Variants in PARD3 observed in about 807,000 individuals in gnomAD.
PARD3 encodes the protein par-3 family cell polarity regulator.
PARD3 carries 75 observed loss-of-function variants against 155.4 expected under a neutral mutation model. That is an observed-to-expected ratio of 0.48 (90% CI 0.40 to 0.58). The LOEUF is 0.58. PARD3 is among the 20% of genes least tolerant of loss of function. The pLI is 0.00. For missense variants in PARD3, 1,642 were observed against 1,721.7 expected, an observed-to-expected ratio of 0.95 and a Z score of 0.82; for synonymous variants, 576 against 610.5, an observed-to-expected ratio of 0.94 and a Z score of 0.83.
intron 3 of PARD3, among the ~76,000 whole-genome samples, chr10:34,483,673 C>T (rs998943210): frequency 6.6e-6 from 1 of 152,154 alleles, no homozygotes; most frequent in Non-Finnish European, 1.5e-5. Context: ...ATCTTTCTTC[C>T]TCACTGTCTC....
rs374365183 is a variant in PARD3, at chr10:34,239,350, A to G, written c.3419+30307T>C. Among the ~76,000 whole-genome samples the G allele has an allele frequency of 3.1e-3, 475 of 152,356 alleles. 2 individuals carry two copies. Among genetic ancestry groups the G allele is most frequent in the African/African-American group, 0.011 (438 of 41,588 alleles). On this transcript the variant is annotated intron_variant, in intron 22 of 24. Transcript: ENST00000374788. ...TTTCTGAAACAGCCTGGTGGACATC[A>G]GTACCAAAAGCGGAGCCTCCGCCTT... is the stretch of plus-strand genomic sequence containing the variant.
At chr10:34,278,660 G>C (rs1176328929) in intron 21 of PARD3, among the ~76,000 whole-genome samples, 1 of 152,146 alleles carries the variant, frequency 6.6e-6, no homozygotes. Flanking sequence ...CGTGAAGAAG[G>C]ACGTGTTTGC....
intron 1 of PARD3, among the ~76,000 whole-genome samples, chr10:34,728,771 A>G (rs1231067398): frequency 3.3e-5 from 5 of 152,216 alleles, no homozygotes; most frequent in Admixed American, 2.6e-4. Flanking sequence ...CAGGAGGTAC[A>G]TTAGTTTTTT....
chr10:34,470,279 C>T lies in PARD3; in HGVS notation c.404-16G>A. The T allele has an allele frequency of 3.2e-6, 5 of 1,540,482 alleles. No homozygotes were observed. Among genetic ancestry groups the T allele is most frequent in the Non-Finnish European group, 4.4e-6 (5 of 1,140,138 alleles). On this transcript the variant is annotated splice_polypyrimidine_tract_variant and intron_variant, in intron 3 of 24. Transcript: ENST00000374788. The stretch of plus-strand genomic sequence containing the variant: ...AGAGGCATATCTGTAAACACAAAAG[C>T]ACTATGCTGAAAAATAAGATACTAA...
intron 22 of PARD3, among the ~76,000 whole-genome samples, chr10:34,211,659 A>T (rs940184476): frequency 3.9e-5 from 6 of 152,086 alleles, no homozygotes; most frequent in Admixed American, 1.3e-4. Flanking sequence ...GGGCGCCTGT[A>T]ATCCCAGCTA....
At chr10:34,426,404 T>C (rs184756458) in intron 5 of PARD3, among the ~76,000 whole-genome samples, 2 of 152,256 alleles carry the variant, frequency 1.3e-5, no homozygotes, top group African/African-American at 4.8e-5. Flanking sequence ...TTGCATGTGC[T>C]TGGTGGCTTA....
At chr10:34,380,035 C>A (rs1333405092) in intron 9 of PARD3, among the ~76,000 whole-genome samples, 1 of 152,016 alleles carries the variant, frequency 6.6e-6, no homozygotes, top group African/African-American at 2.4e-5. Flanking sequence ...CACTGACACA[C>A]CCTATGTTTT....
chr10:34,198,183 C>T (rs780775937), intron 22 of PARD3, among the ~76,000 whole-genome samples: 3 of 151,610 alleles, frequency 2.0e-5, no homozygotes, highest in Non-Finnish European at 3.0e-5. Flanking sequence ...TACTTTCTAG[C>T]CAATTTTAAA....
chr10:34,192,621 T>C (rs895762003), intron 22 of PARD3, among the ~76,000 whole-genome samples: 2 of 152,120 alleles, frequency 1.3e-5, no homozygotes, highest in African/African-American at 2.4e-5. Context: ...CAGCTGGAGG[T>C]TGGACTGGAC....
chr10:34,630,356 G>C (rs1388728279), intron 2 of PARD3, among the ~76,000 whole-genome samples: 1 of 152,102 alleles, frequency 6.6e-6, no homozygotes, highest in Non-Finnish European at 1.5e-5. Flanking sequence ...TTCACATCCA[G>C]GTTCCCAACC....
At chr10:34,777,604 C>T (rs1839747074) in intron 1 of PARD3, among the ~76,000 whole-genome samples, 1 of 152,166 alleles carries the variant, frequency 6.6e-6, no homozygotes, top group South Asian at 2.1e-4. Context: ...GTGGTGCAAT[C>T]GCTGCAGCCT....
intron 4 of PARD3, 36 bp from the exon 5 acceptor site, chr10:34,450,484 A>C: frequency 6.3e-7 from 1 of 1,588,574 alleles, no homozygotes; most frequent in Non-Finnish European, 8.5e-7. Context: ...TCTTGTAAAA[A>C]ACCAGACCTT....
intron 5 of PARD3, among the ~76,000 whole-genome samples, chr10:34,416,299 T>G (rs758804359): frequency 2.0e-5 from 3 of 152,152 alleles, no homozygotes; most frequent in Non-Finnish European, 4.4e-5. Context: ...CAGCTATGCT[T>G]TGAGCAGACA....
chr10:34,166,247 T>C (rs1341074349), intron 22 of PARD3, among the ~76,000 whole-genome samples: 1 of 152,182 alleles, frequency 6.6e-6, no homozygotes, highest in East Asian at 1.9e-4. Flanking sequence ...ATGTTAATTC[T>C]TTCTCTGAGT....
At chr10:34,218,482 C>T (rs1347758687) in intron 22 of PARD3, among the ~76,000 whole-genome samples, 2 of 152,122 alleles carry the variant, frequency 1.3e-5, no homozygotes, top group Non-Finnish European at 2.9e-5. Flanking sequence ...ACTCCGTCCC[C>T]ACCCAACCCT....
At chr10:34,295,686 G>C (rs1474407783) in intron 20 of PARD3, among the ~76,000 whole-genome samples, 1 of 152,170 alleles carries the variant, frequency 6.6e-6, no homozygotes, top group Non-Finnish European at 1.5e-5. Context: ...GTCTAAACTA[G>C]TGTGTATACT....
intron 22 of PARD3, among the ~76,000 whole-genome samples, chr10:34,259,946 G>T (rs993167283): frequency 6.6e-6 from 1 of 152,066 alleles, no homozygotes; most frequent in Non-Finnish European, 1.5e-5. Flanking sequence ...TGGACTCAAT[G>T]ATCCTCCTGC....
intron 23 of PARD3, among the ~76,000 whole-genome samples, chr10:34,128,211 C>T (rs1947391249): frequency 1.3e-5 from 2 of 152,116 alleles, no homozygotes; most frequent in South Asian, 4.1e-4. Context: ...CCTTGAACAC[C>T]ATGAGTTTGA....
chr10:34,428,291 A>T (rs2075727405), intron 5 of PARD3, among the ~76,000 whole-genome samples: 1 of 152,238 alleles, frequency 6.6e-6, no homozygotes, highest in Non-Finnish European at 1.5e-5. Context: ...GACAATGCAA[A>T]GAGCCCAACA....
Sources: allele counts gnomAD v4.1 joint callset (sites outside exome capture counted in the v4.1 genomes callset), GRCh38; gene constraint gnomAD v4.1.1; transcripts MANE v1.5; gene names NCBI Gene and HGNC (gene_info 2026-07-23, HGNC 2026-07-21).